Variants in IMMP2L observed in about 807,000 individuals in gnomAD.
IMMP2L encodes mitochondrial inner membrane protease subunit 2.
In IMMP2L, 18 loss-of-function variants were observed where a neutral mutation model predicts 19.3. The ratio of observed to expected loss-of-function variants is 0.93; its 90% CI spans 0.64 to 1.38. The LOEUF (loss-of-function observed/expected upper bound fraction) is 1.38, where lower values mean the gene tolerates loss of function less well. Among genes scored for constraint, IMMP2L ranks in the 40% most tolerant of loss-of-function variants. IMMP2L has a pLI of 0.00. For synonymous variants in IMMP2L, 76 were observed against 73.0 expected, an observed-to-expected ratio of 1.04 and a Z score of -0.21; for missense variants, 233 against 218.2, an observed-to-expected ratio of 1.07 and a Z score of -0.43.
chr7:111,435,821 C>T (rs1307592887), intron 3 of IMMP2L, among the ~76,000 whole-genome samples: 1 of 151,828 alleles, frequency 6.6e-6, no homozygotes, highest in East Asian at 1.9e-4. Flanking sequence ...AGATCCACCC[C>T]GGGCAACAGT....
intron 3 of IMMP2L, among the ~76,000 whole-genome samples, chr7:111,031,934 ATTTTTTTTT>A (rs57560784): frequency 9.3e-6 from 1 of 108,074 alleles, no homozygotes; most frequent in Non-Finnish European, 1.8e-5. Flanking sequence ...AACACCAGAG[ATTTTTTTTT>A]TTTTTTTTTT....
chr7:111,519,105 TC>T (rs1846121755), intron 2 of IMMP2L, among the ~76,000 whole-genome samples: 1 of 152,058 alleles, frequency 6.6e-6, no homozygotes, highest in Non-Finnish European at 1.5e-5. Context: ...TCACAGTCCT[TC>T]CCCAAGATAT....
intron 5 of IMMP2L, among the ~76,000 whole-genome samples, chr7:110,780,987 A>C (rs1320631694): frequency 6.6e-6 from 1 of 151,966 alleles, no homozygotes; most frequent in Non-Finnish European, 1.5e-5. Context: ...TTTGAATAGA[A>C]TCTTTCAAGG....
At chr7:110,838,457 C>T (rs1314861379) in intron 5 of IMMP2L, among the ~76,000 whole-genome samples, 1 of 152,024 alleles carries the variant, frequency 6.6e-6, no homozygotes, top group Non-Finnish European at 1.5e-5. Context: ...TATGGCAGTA[C>T]TGAAAGATGG....
intron 4 of IMMP2L, among the ~76,000 whole-genome samples, chr7:110,909,221 G>C (rs1418882261): frequency 6.6e-6 from 1 of 152,144 alleles, no homozygotes; most frequent in Non-Finnish European, 1.5e-5. Context: ...GGTGAGCTGG[G>C]ACCAAACTGT....
At chr7:110,673,639 A>T (rs915478612) in intron 5 of IMMP2L, among the ~76,000 whole-genome samples, 8 of 152,164 alleles carry the variant, frequency 5.3e-5, no homozygotes, top group African/African-American at 1.9e-4. Context: ...CTCACGTTTA[A>T]AGTTCCACAG....
At chr7:111,260,978 A>T (rs1214104499) in intron 3 of IMMP2L, among the ~76,000 whole-genome samples, 1 of 152,096 alleles carries the variant, frequency 6.6e-6, no homozygotes, top group Non-Finnish European at 1.5e-5. Flanking sequence ...GAAATGAGGG[A>T]TATTTGGAAT....
chr7:111,391,929 C>T (rs978146156), intron 3 of IMMP2L: 16 of 702,862 alleles, frequency 2.3e-5, no homozygotes, highest in Admixed American at 2.2e-4. Flanking sequence ...TCCTTGACCT[C>T]AGATATGCAC....
rs911020208 is a variant in IMMP2L at position 111,133,768 on chromosome 7, T to C, written c.240-170203A>G. On this transcript the variant is annotated intron_variant, in intron 3 of 5. Transcript: ENST00000405709. ...GTGGGAAATAAAAGACAAAAGAAAA[T>C]AGACATAGGCACACTCTATACTCCA... Among the ~76,000 whole-genome samples the C allele has an allele frequency of 3.3e-5, 5 of 151,668 alleles. No homozygotes were observed. The East Asian group carries it at 5.8e-4, about 18-fold the overall frequency.
chr7:111,499,417 C>A (rs575851243), intron 2 of IMMP2L, among the ~76,000 whole-genome samples: 1 of 152,078 alleles, frequency 6.6e-6, no homozygotes, highest in African/African-American at 2.4e-5. Context: ...GCCCCAAGGT[C>A]TCCTCAGATG....
chr7:111,477,354 C>T (rs548457073), intron 3 of IMMP2L, among the ~76,000 whole-genome samples: 2 of 152,076 alleles, frequency 1.3e-5, no homozygotes, highest in South Asian at 2.1e-4. Context: ...AAATTCTTAA[C>T]CCTTTGAATT....
chr7:111,550,773 T>C (rs1849378549), intron 1 of IMMP2L, among the ~76,000 whole-genome samples: 1 of 152,128 alleles, frequency 6.6e-6, no homozygotes, highest in Admixed American at 6.6e-5. Flanking sequence ...CACACATTGC[T>C]CCTCATAACA....
intron 3 of IMMP2L, among the ~76,000 whole-genome samples, chr7:111,321,775 A>G (rs549877378): frequency 3.3e-5 from 5 of 152,126 alleles, no homozygotes; most frequent in African/African-American, 9.6e-5. Flanking sequence ...AAGAAAAATT[A>G]TATGCTCAGC....
chr7:110,963,922 C>T (rs1392928024), intron 3 of IMMP2L, among the ~76,000 whole-genome samples: 6 of 151,386 alleles, frequency 4.0e-5, no homozygotes, highest in African/African-American at 7.3e-5. Flanking sequence ...AGTCTAATTT[C>T]GAATTGTAAT....
chr7:111,174,623 C>T (rs76784552), intron 3 of IMMP2L, among the ~76,000 whole-genome samples: 9,016 of 151,638 alleles, frequency 0.059, 537 homozygotes, highest in African/African-American at 0.15. Context: ...ATTCTATTAC[C>T]GTATGAAAAA....
intron 3 of IMMP2L, among the ~76,000 whole-genome samples, chr7:111,437,872 A>C (rs1837341358): frequency 6.6e-6 from 1 of 151,904 alleles, no homozygotes; most frequent in Admixed American, 6.5e-5. Context: ...TGCAGAACTG[A>C]ATATGGTAGG....
chr7:111,508,604 G>A (rs1280590750), intron 2 of IMMP2L, among the ~76,000 whole-genome samples: 2 of 152,206 alleles, frequency 1.3e-5, no homozygotes, highest in East Asian at 3.8e-4. Context: ...GAAGTCCCCA[G>A]TGTGGCTGGG....
intron 3 of IMMP2L, among the ~76,000 whole-genome samples, chr7:111,241,115 T>A (rs572640855): frequency 2.0e-5 from 3 of 152,094 alleles, no homozygotes; most frequent in Admixed American, 1.3e-4. Flanking sequence ...TATGTTTCAA[T>A]TGTGCTTAAT....
intron 4 of IMMP2L, among the ~76,000 whole-genome samples, chr7:110,958,383 T>G (rs565693592): frequency 6.6e-6 from 1 of 152,048 alleles, no homozygotes; most frequent in East Asian, 1.9e-4. Context: ...TGTGCAAGGA[T>G]GTTCATTAAA....
Sources: allele counts gnomAD v4.1 joint callset (sites outside exome capture counted in the v4.1 genomes callset), GRCh38; gene constraint gnomAD v4.1.1; transcripts MANE v1.5; gene names NCBI Gene and HGNC (gene_info 2026-07-23, HGNC 2026-07-21).